The following C12orf42 variants were observed in gnomAD, a reference collection of about 807,000 sequenced individuals.
The protein encoded by C12orf42 is uncharacterized protein C12orf42.
C12orf42 carries 25 observed loss-of-function variants against 21.6 expected under a neutral mutation model. The ratio of observed to expected loss-of-function variants is 1.16; its 90% CI spans 0.84 to 1.62. C12orf42 has a LOEUF of 1.62. Ranked by LOEUF, C12orf42 falls within the 40% of genes most tolerant of loss-of-function variation. The pLI is 0.00. For missense variants in C12orf42, 483 were observed against 459.3 expected (o/e 1.05, Z -0.47); for synonymous variants, 174 against 175.0 (o/e 0.99, Z 0.05).
At chr12:103,116,655 G>A in the C12orf42 span, among the ~76,000 whole-genome samples, 3 of 152,224 alleles carry the variant, frequency 2.0e-5, no homozygotes, top group East Asian at 3.9e-4. Context: ...GCTGCATGGA[G>A]GCACTGTGCA....
intron 2 of C12orf42, among the ~76,000 whole-genome samples, chr12:103,404,238 AC>A (rs1457304106): frequency 1.3e-5 from 2 of 152,234 alleles, no homozygotes; most frequent in African/African-American, 4.8e-5. Flanking sequence ...TACCTTAGAA[AC>A]CTTTACCTTG....
chr12:103,195,130 G>T, the C12orf42 span, among the ~76,000 whole-genome samples: 517 of 152,126 alleles, frequency 3.4e-3, 1 homozygote, highest in African/African-American at 0.012. Context: ...ACGTGGTTTT[G>T]CTTTTTTATG....
the C12orf42 span, among the ~76,000 whole-genome samples, chr12:103,561,962 T>G: frequency 6.6e-6 from 1 of 152,202 alleles, no homozygotes; most frequent in Non-Finnish European, 1.5e-5. Context: ...TTACACAAAT[T>G]TATTACCTTA....
At chr12:103,424,160 C>A (rs148656354) in intron 2 of C12orf42, among the ~76,000 whole-genome samples, 9 of 152,334 alleles carry the variant, frequency 5.9e-5, no homozygotes, top group African/African-American at 2.2e-4. Context: ...TGATTAAGAT[C>A]CCCCTGCACA....
chr12:103,191,953 A>T, the C12orf42 span, among the ~76,000 whole-genome samples: 2 of 152,142 alleles, frequency 1.3e-5, no homozygotes, highest in Non-Finnish European at 2.9e-5. Flanking sequence ...TGTTATAGCA[A>T]TAAAAAGTAT....
At chr12:103,168,491 C>A in the C12orf42 span, among the ~76,000 whole-genome samples, 2 of 152,128 alleles carry the variant, frequency 1.3e-5, no homozygotes, top group African/African-American at 4.8e-5. Context: ...GTTATACTTG[C>A]TTTACATAGT....
chr12:103,145,437 T>C, the C12orf42 span, among the ~76,000 whole-genome samples: 46,417 of 152,008 alleles, frequency 0.31, 7,582 homozygotes, highest in East Asian at 0.4. Context: ...CTAAAATTAT[T>C]TTTTCTATGA....
intron 10 of C12orf42, among the ~76,000 whole-genome samples, chr12:103,261,283 C>A (rs1271371882): frequency 1.5e-4 from 22 of 151,694 alleles, no homozygotes; most frequent in African/African-American, 5.3e-4. Context: ...CCAGCCTGGG[C>A]AATACAGTGA....
chr12:103,047,848 GGCA>G, the C12orf42 span, among the ~76,000 whole-genome samples: 2 of 152,148 alleles, frequency 1.3e-5, no homozygotes, highest in African/African-American at 4.8e-5. Context: ...TTGTTCACAT[GGCA>G]GCAGGGCAGG....
At chr12:103,061,992 T>G in the C12orf42 span, among the ~76,000 whole-genome samples, 6 of 152,018 alleles carry the variant, frequency 3.9e-5, no homozygotes, top group Non-Finnish European at 7.4e-5. Flanking sequence ...TTACATTTAT[T>G]TAGCATTGTT....
chr12:103,521,141 T>C, the C12orf42 span, among the ~76,000 whole-genome samples: 10 of 152,228 alleles, frequency 6.6e-5, no homozygotes, highest in African/African-American at 2.4e-4. Context: ...GTGGAAATAA[T>C]TAATTCAGGG....
the C12orf42 span, among the ~76,000 whole-genome samples, chr12:103,506,837 A>ATATATATATATTTATATAT: frequency 0.018 from 797 of 45,300 alleles, 57 homozygotes; most frequent in African/African-American, 0.047. Flanking sequence ...TTTATATATT[A>ATATATATATATTTATATAT]TATATATATA....
At chr12:103,087,775 G>C in the C12orf42 span, among the ~76,000 whole-genome samples, 1 of 152,214 alleles carries the variant, frequency 6.6e-6, no homozygotes, top group East Asian at 1.9e-4. Context: ...GGCTAGGTGT[G>C]ACTGTTTCAG....
chr12:103,068,360 G>T, the C12orf42 span, among the ~76,000 whole-genome samples: 4 of 152,260 alleles, frequency 2.6e-5, no homozygotes, highest in Admixed American at 6.5e-5. Flanking sequence ...TGGTGCATCT[G>T]GTTGTACAAA....
chr12:103,209,463 T>C, the C12orf42 span, among the ~76,000 whole-genome samples: 4 of 152,222 alleles, frequency 2.6e-5, no homozygotes, highest in Non-Finnish European at 5.9e-5. Flanking sequence ...AAAGTTTCCT[T>C]CTCTGATTGC....
At chr12:103,326,718 C>T (rs1374997954) in intron 4 of C12orf42, among the ~76,000 whole-genome samples, 4 of 152,232 alleles carry the variant, frequency 2.6e-5, no homozygotes, top group African/African-American at 4.8e-5. Flanking sequence ...CTGCACAAAA[C>T]TTATGTCCTC....
At chr12:103,273,461 G>T (rs2035583776) in intron 5 of C12orf42, among the ~76,000 whole-genome samples, 3 of 152,058 alleles carry the variant, frequency 2.0e-5, no homozygotes, top group Admixed American at 2.0e-4. Flanking sequence ...GACTGTAATG[G>T]AGGGTGTTAT....
the C12orf42 span, among the ~76,000 whole-genome samples, chr12:103,080,649 T>C: frequency 1.3e-5 from 2 of 152,214 alleles, no homozygotes; most frequent in African/African-American, 2.4e-5. Context: ...CTCCAAGTTA[T>C]GAAAAGCAAT....
intron 4 of C12orf42, among the ~76,000 whole-genome samples, chr12:103,344,482 T>C (rs1438537612): frequency 1.3e-5 from 2 of 152,126 alleles, no homozygotes; most frequent in African/African-American, 4.8e-5. Context: ...TGGTTCCAAT[T>C]GGTGACATAA....
Sources: allele counts gnomAD v4.1 joint callset (sites outside exome capture counted in the v4.1 genomes callset), GRCh38; gene constraint gnomAD v4.1.1; transcripts MANE v1.5; gene names NCBI Gene and HGNC (gene_info 2026-07-23, HGNC 2026-07-21).